The following TMEM163 variants were observed in gnomAD, a reference collection of about 807,000 sequenced individuals.
The protein encoded by TMEM163 is transmembrane protein 163.
Under a neutral mutation model 29.3 loss-of-function variants are expected in TMEM163, and 17 were observed. The ratio of observed to expected loss-of-function variants is 0.58; its 90% CI spans 0.40 to 0.87. TMEM163 has a LOEUF of 0.87. TMEM163 is among the 40% of genes least tolerant of loss of function. TMEM163 has a pLI of 0.00. For synonymous variants in TMEM163, 157 were observed against 160.6 expected (o/e 0.98, Z 0.17); for missense variants, 303 against 381.5 (o/e 0.79, Z 1.71).
chr2:134,597,428 G>A (rs182518536), intron 2 of TMEM163, among the ~76,000 whole-genome samples: 33 of 152,250 alleles, frequency 2.2e-4, no homozygotes, highest in African/African-American at 5.5e-4. Context: ...TTTGATTTGC[G>A]TATGTTGAAC....
At position 134,534,336 on chromosome 2, in the gene TMEM163, T is replaced by TC. The variant is rs576780951; in HGVS notation, c.458+16233dup. On this transcript the variant is annotated intron_variant, in intron 4 of 7. Coordinates refer to ENST00000281924, the MANE Select transcript of TMEM163 (RefSeq NM_030923.5). The stretch of plus-strand genomic sequence containing the variant: ...GTAGGCTACACCAACAGAACAGCTA[T>TC]CCAACCACAAACCAAACCACCACCC... Among the ~76,000 whole-genome samples the TC allele has an allele frequency of 1.5e-4, 23 of 152,224 alleles. No homozygotes were observed. In the East Asian group the frequency reaches 3.5e-3, roughly 23 times the overall value.
At chr2:134,513,898 T>C (rs1680000163) in intron 4 of TMEM163, among the ~76,000 whole-genome samples, 1 of 152,192 alleles carries the variant, frequency 6.6e-6, no homozygotes, top group South Asian at 2.1e-4. Context: ...TAGAAGGCCA[T>C]GCTCAGCTGA....
intron 5 of TMEM163, among the ~76,000 whole-genome samples, chr2:134,470,281 C>T (rs1005410964): frequency 6.7e-6 from 1 of 149,250 alleles, no homozygotes; most frequent in South Asian, 2.1e-4. Context: ...TGTGTGAACC[C>T]GGGAGGTGGA....
At chr2:134,525,238 T>C (rs1369977410) in intron 4 of TMEM163, among the ~76,000 whole-genome samples, 3 of 152,234 alleles carry the variant, frequency 2.0e-5, no homozygotes, top group Admixed American at 2.0e-4. Flanking sequence ...ACCTGGGAGC[T>C]TGTTAGCAAT....
In TMEM163 at chr2:134,456,610, G is replaced by A; in HGVS notation, c.*106C>T. On this transcript the variant is annotated 3_prime_UTR_variant, in exon 8 of 8. Coordinates refer to ENST00000281924, the MANE Select transcript of TMEM163 (RefSeq NM_030923.5). ...CTTGTCTTGTAATGACAAACCATGTGAAAGAAAACTTCCAAAAAGAAACCA... is the reference window on the plus strand; with the variant it reads ...CTTGTCTTGTAATGACAAACCATGTAAAAGAAAACTTCCAAAAAGAAACCA... 1 of 1,365,122 alleles carries A rather than the reference G, an allele frequency of 7.3e-7. No individual in the cohort carries two copies. The highest frequency in any genetic ancestry group is 1.8e-4 in the Middle Eastern group (1 of 5,538). 84.6% of individuals were successfully genotyped at this position (1,365,122 alleles called of 1,614,324 possible). A position where few individuals can be genotyped will look rare whatever the true frequency, so the allele number is the denominator to read the frequency against.
chr2:134,669,216 A>G (rs1683938769), intron 2 of TMEM163, among the ~76,000 whole-genome samples: 1 of 152,064 alleles, frequency 6.6e-6, no homozygotes, highest in African/African-American at 2.4e-5. Context: ...CTTGATACCC[A>G]CTCATGTGTT....
chr2:134,661,911 G>T (rs930024241), intron 2 of TMEM163, among the ~76,000 whole-genome samples: 1 of 147,274 alleles, frequency 6.8e-6, no homozygotes, highest in Non-Finnish European at 1.5e-5. Context: ...AGTTTTCATG[G>T]ATTCATTAAT....
chr2:134,627,023 C>T (rs1682867586), intron 2 of TMEM163, among the ~76,000 whole-genome samples: 1 of 152,200 alleles, frequency 6.6e-6, no homozygotes, highest in South Asian at 2.1e-4. Flanking sequence ...CTCTTGCCAA[C>T]ACAGAATATT....
At chr2:134,591,115 C>T (rs763475328) in intron 2 of TMEM163, among the ~76,000 whole-genome samples, 1 of 152,202 alleles carries the variant, frequency 6.6e-6, no homozygotes, top group Admixed American at 6.5e-5. Flanking sequence ...GCAAATGAGA[C>T]ACCCATCCCT....
At chr2:134,596,642 C>T (rs1682090525) in intron 2 of TMEM163, among the ~76,000 whole-genome samples, 1 of 152,128 alleles carries the variant, frequency 6.6e-6, no homozygotes, top group African/African-American at 2.4e-5. Flanking sequence ...TTTTCCAATT[C>T]TGTGAAGAAA....
intron 2 of TMEM163, among the ~76,000 whole-genome samples, chr2:134,603,052 C>T (rs950000535): frequency 2.6e-5 from 4 of 152,134 alleles, no homozygotes; most frequent in African/African-American, 9.7e-5. Flanking sequence ...AAAGATGCTG[C>T]CCCATGTGGA....
At chr2:134,474,934 C>T (rs1324067833) in intron 5 of TMEM163, among the ~76,000 whole-genome samples, 2 of 152,046 alleles carry the variant, frequency 1.3e-5, no homozygotes, top group African/African-American at 2.4e-5. Context: ...ATGCAAAAGC[C>T]ACCCTAAGCC....
intron 4 of TMEM163, among the ~76,000 whole-genome samples, chr2:134,535,931 C>G (rs964735480): frequency 6.6e-6 from 1 of 152,110 alleles, no homozygotes; most frequent in Admixed American, 6.5e-5. Flanking sequence ...CCATGTTGGC[C>G]AGGCTGATCT....
intron 2 of TMEM163, among the ~76,000 whole-genome samples, chr2:134,643,420 A>G (rs951772258): frequency 6.6e-6 from 1 of 152,108 alleles, no homozygotes; most frequent in African/African-American, 2.4e-5. Context: ...AAGAAGAAAT[A>G]ACTCCAATTC....
chr2:134,597,090 T>A (rs545399133), intron 2 of TMEM163, among the ~76,000 whole-genome samples: 1,896 of 152,222 alleles, frequency 0.012, 53 homozygotes, highest in African/African-American at 0.043. Context: ...CTTTTCCTAA[T>A]TGAATACCCT....
chr2:134,621,670 T>A (rs1045693370), intron 2 of TMEM163, among the ~76,000 whole-genome samples: 2 of 150,026 alleles, frequency 1.3e-5, no homozygotes, highest in African/African-American at 4.9e-5. Context: ...GCAGGCGAAT[T>A]ACGAGGTCAG....
chr2:134,494,502 C>G (rs1417445554), intron 5 of TMEM163, among the ~76,000 whole-genome samples: 1 of 152,134 alleles, frequency 6.6e-6, no homozygotes, highest in Non-Finnish European at 1.5e-5. Context: ...TACGGCATTA[C>G]CCATCCTGAG....
rs377243687 is a variant in TMEM163 at position 134,560,438 on chromosome 2, G to C, written c.323-8347C>G. ...TTAGCTCCAGCATGCAGCAAACAGA[G>C]CCTTCAGGGAGAAGGCAGACAGGAC... On this transcript the variant is annotated intron_variant, in intron 2 of 7. Coordinates refer to ENST00000281924, the MANE Select transcript of TMEM163 (RefSeq NM_030923.5). 9.2e-5 allele frequency among the ~76,000 whole-genome samples: 14 copies of C among 152,278 alleles called. No homozygotes were observed. The East Asian group carries it at 2.7e-3, about 29-fold the overall frequency.
At chr2:134,457,973 G>T in intron 7 of TMEM163, 59 bp downstream of exon 7, 5 of 1,607,914 alleles carry the variant, frequency 3.1e-6, no homozygotes, top group South Asian at 1.1e-5. Flanking sequence ...TGGGGAAGGC[G>T]GTGGAAAAGG....
Sources: allele counts gnomAD v4.1 joint callset (sites outside exome capture counted in the v4.1 genomes callset), GRCh38; gene constraint gnomAD v4.1.1; transcripts MANE v1.5; gene names NCBI Gene and HGNC (gene_info 2026-07-23, HGNC 2026-07-21).